GPR84: variants seen among roughly 807,000 people sequenced by gnomAD.
The protein encoded by GPR84 is G protein-coupled receptor 84, also known as G-protein coupled receptor 84.
In GPR84, 8 loss-of-function variants were observed where a neutral mutation model predicts 14.9. That is an observed-to-expected ratio of 0.54 (90% CI 0.31 to 0.97). The LOEUF (loss-of-function observed/expected upper bound fraction) is 0.97. GPR84 is among the 50% of genes least tolerant of loss of function. GPR84 has a pLI of 0.04. For synonymous variants in GPR84, 164 were observed against 198.1 expected, an observed-to-expected ratio of 0.83 and a Z score of 1.45; for missense variants, 424 against 498.7, an observed-to-expected ratio of 0.85 and a Z score of 1.43.
the GPR84 span, chr12:54,350,986 T>C: frequency 5.4e-6 from 1 of 185,030 alleles, no homozygotes; most frequent in African/African-American, 2.3e-5. Context: ...GGGGCGGGGA[T>C]GGGTAGGGAT....
Position 54,363,553 on chromosome 12 carries a change from A to C in GPR84, c.299T>G (p.Leu100Arg). ...GATGGAGACAGAATTGGAGGCAAAA[A>C]GGAGGAGCCCAAATACCCTGCAGAA... ...ATFCRVFGLL[L>R]FASNSVSILT... is the part of the protein sequence containing the mutation. Residue 100 changes from leucine to arginine, a missense_variant, in exon 2 of 2, where the codon CTT becomes CGT. Transcript: ENST00000267015. 1 of 1,614,108 alleles carries C rather than the reference A, an allele frequency of 6.2e-7. No individual in the cohort carries two copies. The highest frequency in any genetic ancestry group is 8.5e-7 in the Non-Finnish European group (1 of 1,180,000).
chr12:54,355,690 C>T, the GPR84 span, among the ~76,000 whole-genome samples: 1 of 152,082 alleles, frequency 6.6e-6, no homozygotes, highest in Non-Finnish European at 1.5e-5. Flanking sequence ...CTGACCCCTC[C>T]CCCAGCTCTG....
the GPR84 span, among the ~76,000 whole-genome samples, chr12:54,356,101 T>C: frequency 6.6e-6 from 1 of 152,006 alleles, no homozygotes; most frequent in Non-Finnish European, 1.5e-5. Flanking sequence ...GGGAAAGAGT[T>C]CAGGCCTAAT....
chr12:54,354,932 G>T, the GPR84 span, among the ~76,000 whole-genome samples: 1 of 152,026 alleles, frequency 6.6e-6, no homozygotes, highest in East Asian at 1.9e-4. Flanking sequence ...TCTATTCTTG[G>T]AATCTTAACT....
downstream of GPR84, among the ~76,000 whole-genome samples, chr12:54,359,202 T>A (rs566562278): frequency 6.6e-6 from 1 of 152,246 alleles, no homozygotes; most frequent in South Asian, 2.1e-4. Flanking sequence ...TCCCCGCGGC[T>A]GCTGAGCCAT....
Position 54,362,989 on chromosome 12 carries a change from T to A in GPR84, c.863A>T (p.Glu288Val). 6.2e-7 allele frequency: 1 copy of A among 1,614,250 alleles called. No homozygotes were observed. Among genetic ancestry groups the A allele is most frequent in the Non-Finnish European group, 8.5e-7 (1 of 1,180,038 alleles). The change falls in exon 2 of 2, where the codon GAG becomes GTG. Residue 288 changes from glutamate to valine, a missense_variant. Physicochemically the swap from Glu to Val is moderately radical, Grantham distance 121. Coordinates refer to ENST00000267015, the MANE Select transcript of GPR84 (RefSeq NM_020370.3). The surrounding 1 kb of genome is among the most constrained non-coding windows in gnomAD (Gnocchi z 4.0). The part of the protein sequence containing the change: ...INSKRAKQMA[E>V]KSPPEASAKA... ...GGCAGATGCTTCTGGAGGGCTTTTC[T>A]CTGCCATCTGCTTAGCTCTCTTGCT...
At chr12:54,352,296 A>G in the GPR84 span, among the ~76,000 whole-genome samples, 1 of 151,758 alleles carries the variant, frequency 6.6e-6, no homozygotes, top group East Asian at 1.9e-4. Flanking sequence ...TGGTGTAAAT[A>G]ACCTCTTCTC....
In GPR84 at chr12:54,363,445, C is replaced by A; in HGVS notation, c.407G>T (p.Gly136Val). ...KLFPQVFSAK[G>V]IVLALVSTWV... Reference sequence around the variant, plus strand: ...GGTGCTCACCAGTGCCAGCACTATCCCCTTGGCACTGAAAACTTGGGGAAA... The same window carrying A: ...GGTGCTCACCAGTGCCAGCACTATCACCTTGGCACTGAAAACTTGGGGAAA... The change falls in exon 2 of 2, where the codon GGG becomes GTG. Residue 136 changes from glycine (G) to valine (V), a missense_variant. Gly to Val is a moderately radical substitution (Grantham distance 109, BLOSUM62 -3). Transcript: ENST00000267015. 1 of 1,614,082 alleles carries A rather than the reference C, an allele frequency of 6.2e-7. No individual in the cohort carries two copies. Among genetic ancestry groups the A allele is most frequent in the Non-Finnish European group, 8.5e-7 (1 of 1,179,972 alleles).
At chr12:54,361,519 C>T (rs942870289), downstream of GPR84, among the ~76,000 whole-genome samples, 13 of 152,194 alleles carry the variant, frequency 8.5e-5, no homozygotes, top group African/African-American at 2.9e-4. The surrounding 1 kb of genome is among the most constrained non-coding windows in gnomAD (Gnocchi z 4.3). Flanking sequence ...CACAGGCATG[C>T]GCCACCATGC....
At chr12:54,352,264 C>G in the GPR84 span, among the ~76,000 whole-genome samples, 1 of 152,210 alleles carries the variant, frequency 6.6e-6, no homozygotes, top group Non-Finnish European at 1.5e-5. Context: ...GGAGCCAGCG[C>G]TGCTCCAGAA....
At chr12:54,350,796 C>G in the GPR84 span, 3 of 523,434 alleles carry the variant, frequency 5.7e-6, no homozygotes, top group Non-Finnish European at 1.0e-5. Context: ...GGATTATGCT[C>G]ACATGCTCCC....
In GPR84 at chr12:54,363,208, T is replaced by C. The variant is rs1189170506; in HGVS notation, c.644A>G (p.Tyr215Cys). ...VKRAAQALDQ[Y>C]KLRQASIHSN... The stretch of plus-strand genomic sequence containing the variant: ...GTGGATGCTTGCCTGTCGCAACTTG[T>C]ATTGGTCCAGTGCCTGTGCTGCTCG... The change falls in exon 2 of 2, where the codon TAC (tyrosine) becomes TGC (cysteine). Residue 215 changes from tyrosine (Y) to cysteine (C), a missense_variant. Coordinates refer to ENST00000267015, the MANE Select transcript of GPR84 (RefSeq NM_020370.3). The C allele has an allele frequency of 1.2e-6, 2 of 1,614,130 alleles. No individual in the cohort carries two copies. The highest frequency in any genetic ancestry group is 2.2e-5 in the East Asian group (1 of 44,872).
the GPR84 span, among the ~76,000 whole-genome samples, chr12:54,353,265 C>T: frequency 6.6e-5 from 10 of 152,202 alleles, no homozygotes; most frequent in Non-Finnish European, 1.5e-4. Context: ...TCCTTGGTTT[C>T]TTTCTGTCTG....
downstream of GPR84, among the ~76,000 whole-genome samples, chr12:54,359,930 GTT>G (rs1259894277): frequency 4.1e-5 from 6 of 144,848 alleles, no homozygotes; most frequent in East Asian, 2.0e-4. Flanking sequence ...TGTCTCCTGA[GTT>G]TTTTTTTTTT....
Position 54,363,287 on chromosome 12 carries a change from G to A in GPR84, c.565C>T (p.Leu189Phe), listed in dbSNP as rs772926433. Residue 189 changes from leucine (L) to phenylalanine (F), a missense_variant, in exon 2 of 2, where the codon CTT becomes TTT. Coordinates refer to ENST00000267015, the MANE Select transcript of GPR84 (RefSeq NM_020370.3). ...TTILMGIYFVLGLSSVGIFYC... is the reference protein window; with the variant it reads ...TTILMGIYFVFGLSSVGIFYC... The stretch of plus-strand genomic sequence containing the variant: ...AAGATGCCAACACTGCTGAGCCCAA[G>A]CACAAAGTAGATGCCCATGAGGATG... The A allele has an allele frequency of 9.3e-6, 15 of 1,614,044 alleles. No individual in the cohort carries two copies. The highest frequency in any genetic ancestry group is 3.3e-4 in the Middle Eastern group (2 of 6,084).
chr12:54,357,386 T>G, the GPR84 span, among the ~76,000 whole-genome samples: 4 of 152,210 alleles, frequency 2.6e-5, no homozygotes, highest in Non-Finnish European at 1.5e-5. Flanking sequence ...CCTTATATTA[T>G]GGACCTCCAT....
At chr12:54,360,196 T>TA (rs1197590883), downstream of GPR84, among the ~76,000 whole-genome samples, 1 of 152,156 alleles carries the variant, frequency 6.6e-6, no homozygotes, top group East Asian at 1.9e-4. Flanking sequence ...ATCACGGTCT[T>TA]ACAACGTACT....
downstream of GPR84, among the ~76,000 whole-genome samples, chr12:54,357,449 G>A (rs1353637553): frequency 6.6e-6 from 1 of 152,138 alleles, no homozygotes. Context: ...TGGGTTGGGG[G>A]GTCACAGACA....
At chr12:54,353,478 G>T in the GPR84 span, among the ~76,000 whole-genome samples, 5 of 140,502 alleles carry the variant, frequency 3.6e-5, no homozygotes, top group African/African-American at 1.4e-4. Context: ...ACCCCACTGA[G>T]CTCAGGCAGA....
Sources: gnomAD v4.1 joint callset for allele counts (sites outside exome capture counted in the v4.1 genomes callset) on GRCh38, gnomAD v4.1.1 for gene constraint, Gnocchi (gnomAD v3.1) non-coding constraint, MANE v1.5 for transcripts, NCBI Gene and HGNC (gene_info 2026-07-23, HGNC 2026-07-21) for gene names.